Variants in IGF2BP3 observed in about 807,000 individuals in gnomAD.
IGF2BP3 encodes insulin like growth factor 2 mRNA binding protein 3.
Under a neutral mutation model 73.8 loss-of-function variants are expected in IGF2BP3, and 9 were observed. That is an observed-to-expected ratio of 0.12 (90% CI 0.07 to 0.21). IGF2BP3 has a LOEUF of 0.21. IGF2BP3 is among the 10% of genes least tolerant of loss of function. IGF2BP3 has a pLI of 1.00. For synonymous variants in IGF2BP3, 258 were observed against 256.7 expected (o/e 1.01, Z -0.05); for missense variants, 542 against 714.0 (o/e 0.76, Z 2.75).
At chr7:23,380,407 T>A (rs1785872510) in intron 3 of IGF2BP3, among the ~76,000 whole-genome samples, 1 of 151,966 alleles carries the variant, frequency 6.6e-6, no homozygotes, top group African/African-American at 2.4e-5. Context: ...TCGTGATCCA[T>A]CCGCTTCGGC....
At chr7:23,340,857 T>A (rs952424146) in intron 10 of IGF2BP3, among the ~76,000 whole-genome samples, 1 of 147,104 alleles carries the variant, frequency 6.8e-6, no homozygotes, top group Non-Finnish European at 1.5e-5. Flanking sequence ...TTCTTTTTTT[T>A]TTTTTTTTCC....
At chr7:23,433,742 A>T (rs190007472) in intron 2 of IGF2BP3, among the ~76,000 whole-genome samples, 265 of 146,652 alleles carry the variant, frequency 1.8e-3, no homozygotes, top group African/African-American at 6.0e-3. Flanking sequence ...AATTGATTAA[A>T]TTTAATTTGT....
chr7:23,364,426 T>C (rs1449319895), intron 3 of IGF2BP3, among the ~76,000 whole-genome samples: 1 of 150,372 alleles, frequency 6.7e-6, no homozygotes, highest in Non-Finnish European at 1.5e-5. Context: ...CGGGTGCCTG[T>C]AATACCAGCT....
Position 23,335,569 on chromosome 7 carries a change from G to A in IGF2BP3, c.1203+6495C>T, listed in dbSNP as rs75964703. ...TGGGATTACAGGCATAAACCACCGC[G>A]CCTGGCCCTTTGTTTCTTAAAGAGT... is the stretch of plus-strand genomic sequence containing the variant. On this transcript the variant is annotated intron_variant, in intron 10 of 14. Coordinates refer to ENST00000258729, the MANE Select transcript of IGF2BP3 (RefSeq NM_006547.3). 7.3e-3 allele frequency among the ~76,000 whole-genome samples: 1,109 copies of A among 151,688 alleles called. 52 individuals are homozygous for A. In the East Asian group the frequency reaches 0.13, roughly 17 times the overall value.
chr7:23,392,016 T>A (rs1444043987), intron 3 of IGF2BP3, among the ~76,000 whole-genome samples: 4 of 152,192 alleles, frequency 2.6e-5, no homozygotes, highest in African/African-American at 9.7e-5. Context: ...AGGATATTAA[T>A]GACATAAAAG....
chr7:23,398,126 T>C (rs1448930620), intron 3 of IGF2BP3, among the ~76,000 whole-genome samples: 5 of 142,728 alleles, frequency 3.5e-5, no homozygotes, highest in African/African-American at 5.2e-5. Flanking sequence ...TGTGTTCTCA[T>C]TGTTCAGTTC....
chr7:23,422,445 C>T (rs1787378048), intron 2 of IGF2BP3, among the ~76,000 whole-genome samples: 1 of 152,110 alleles, frequency 6.6e-6, no homozygotes, highest in Admixed American at 6.6e-5. Context: ...GTCCTAGATA[C>T]TCAGGATGCT....
chr7:23,399,147 C>A (rs572627365), intron 3 of IGF2BP3, among the ~76,000 whole-genome samples: 14 of 152,222 alleles, frequency 9.2e-5, no homozygotes, highest in African/African-American at 3.1e-4. Flanking sequence ...GTTTTCCCAG[C>A]ACCATTTATT....
chr7:23,388,134 T>A (rs1419288591), intron 3 of IGF2BP3, among the ~76,000 whole-genome samples: 1 of 152,060 alleles, frequency 6.6e-6, no homozygotes, highest in Non-Finnish European at 1.5e-5. Context: ...AGGCGGGGTT[T>A]CACCGTGTTA....
At chr7:23,323,109 T>G (rs1562671381) in intron 10 of IGF2BP3, among the ~76,000 whole-genome samples, 2 of 152,062 alleles carry the variant, frequency 1.3e-5, no homozygotes, top group Non-Finnish European at 2.9e-5. Context: ...ATGCTCCAAT[T>G]AAAAGACACA....
intron 3 of IGF2BP3, among the ~76,000 whole-genome samples, chr7:23,370,560 A>G (rs1484688656): frequency 6.6e-6 from 1 of 152,194 alleles, no homozygotes; most frequent in Non-Finnish European, 1.5e-5. Flanking sequence ...GGAAGGGGCC[A>G]TGTCTTACCT....
At chr7:23,318,793 T>C (rs1015560728) in intron 11 of IGF2BP3, among the ~76,000 whole-genome samples, 5 of 152,158 alleles carry the variant, frequency 3.3e-5, no homozygotes, top group African/African-American at 1.2e-4. Context: ...CCTCTCCTAC[T>C]GGCTGGGCAA....
At position 23,313,723 on chromosome 7, in the gene IGF2BP3, A is replaced by T. The variant is rs1783896480; in HGVS notation, c.1396-70T>A. 12 of 1,498,686 alleles carry T rather than the reference A, an allele frequency of 8.0e-6. No homozygotes were observed. In the East Asian group the frequency reaches 2.7e-4, roughly 34 times the overall value. 92.8% of individuals were successfully genotyped at this position (1,498,686 alleles called of 1,614,324 possible). A position where few individuals can be genotyped will look rare whatever the true frequency, so the allele number is the denominator to read the frequency against. On this transcript the variant is annotated intron_variant, in intron 12 of 14. Coordinates refer to ENST00000258729, the MANE Select transcript of IGF2BP3 (RefSeq NM_006547.3). Reference sequence around the variant, plus strand: ...TGGAAAAGGTCAGTTAACTTGAAAGATGGCCCAAATCCAAGTGGGATAGCC... The same window carrying T: ...TGGAAAAGGTCAGTTAACTTGAAAGTTGGCCCAAATCCAAGTGGGATAGCC...
intron 2 of IGF2BP3, among the ~76,000 whole-genome samples, chr7:23,462,783 T>C (rs923412175): frequency 1.3e-5 from 2 of 152,182 alleles, no homozygotes; most frequent in African/African-American, 2.4e-5. Context: ...GCAACAAAAT[T>C]CACAGAATAT....
At chr7:23,442,344 G>C (rs1274023407) in intron 2 of IGF2BP3, among the ~76,000 whole-genome samples, 3 of 152,128 alleles carry the variant, frequency 2.0e-5, no homozygotes, top group Non-Finnish European at 2.9e-5. Context: ...TTGTGTAACG[G>C]ATTAATGTCA....
At chr7:23,454,591 T>A (rs1788273526) in intron 2 of IGF2BP3, among the ~76,000 whole-genome samples, 1 of 152,166 alleles carries the variant, frequency 6.6e-6, no homozygotes, top group Non-Finnish European at 1.5e-5. Flanking sequence ...CTGCCATAGG[T>A]CTTATTACCC....
chr7:23,331,874 GAA>G lies in IGF2BP3; in HGVS notation c.1203+10188_1203+10189del. The stretch of plus-strand genomic sequence containing the variant: ...AACTGTCTCAGAAAAAAAAAAAAAA[GAA>G]AAAAAAAAGGAGTTTAATTGACTCA... On this transcript the variant is annotated intron_variant, in intron 10 of 14. Coordinates refer to ENST00000258729, the MANE Select transcript of IGF2BP3 (RefSeq NM_006547.3). 3.6e-5 allele frequency among the ~76,000 whole-genome samples: 5 copies of G among 139,240 alleles called. 1 individual carries two copies. The highest frequency in any genetic ancestry group is 1.3e-4 in the African/African-American group (5 of 38,462). 91.3% of individuals were successfully genotyped at this position (139,240 alleles called of 152,430 possible). A position where few individuals can be genotyped will look rare whatever the true frequency, so the allele number is the denominator to read the frequency against.
chr7:23,416,899 C>T (rs1022307229), intron 3 of IGF2BP3, among the ~76,000 whole-genome samples: 4 of 152,026 alleles, frequency 2.6e-5, no homozygotes, highest in African/African-American at 7.2e-5. Context: ...ACTAAAAATA[C>T]AAAAAATTAG....
At position 23,470,048 on chromosome 7, in the gene IGF2BP3, G is replaced by A. The variant is rs1467008367; in HGVS notation, c.63C>T (p.Ile21=). 2 of 1,611,950 alleles carry A rather than the reference G, an allele frequency of 1.2e-6. No homozygotes were observed. Among genetic ancestry groups the A allele is most frequent in the South Asian group, 1.1e-5 (1 of 90,846 alleles). ...ACACCGGGATCTTGGCGTCCTTGAA[G>A]ATACTTTCTAGGTCCGAGGGGGCGG... The part of the protein sequence containing the change: ...ENAAPSDLES[I]FKDAKIPVSG... Residue 21 remains isoleucine (I), a synonymous_variant, in exon 1 of 15, where the codon ATC becomes ATT. Coordinates refer to ENST00000258729, the MANE Select transcript of IGF2BP3 (RefSeq NM_006547.3).
Sources: gnomAD v4.1 joint callset for allele counts (sites outside exome capture counted in the v4.1 genomes callset) on GRCh38, gnomAD v4.1.1 for gene constraint, MANE v1.5 for transcripts, NCBI Gene and HGNC (gene_info 2026-07-23, HGNC 2026-07-21) for gene names.